ZDHHC14: variants seen among roughly 807,000 people sequenced by gnomAD.
The protein encoded by ZDHHC14 is palmitoyltransferase ZDHHC14.
Under a neutral mutation model 47.7 loss-of-function variants are expected in ZDHHC14, and 16 were observed. The observed-to-expected ratio is 0.34, with a 90% CI of 0.23 to 0.51. The LOEUF (loss-of-function observed/expected upper bound fraction) is 0.51, where lower values mean the gene tolerates loss of function less well. Among genes scored for constraint, ZDHHC14 ranks in the 20% least tolerant of loss-of-function variants. The probability of loss-of-function intolerance (pLI) is 0.97; values close to 1 mark genes in which losing one functional copy is unlikely to be tolerated. For missense variants in ZDHHC14, 515 were observed against 662.5 expected (o/e 0.78, Z 2.44); for synonymous variants, 293 against 278.9 (o/e 1.05, Z -0.50).
At chr6:157,540,247 G>A (rs1191468210) in intron 1 of ZDHHC14, among the ~76,000 whole-genome samples, 1 of 152,192 alleles carries the variant, frequency 6.6e-6, no homozygotes, top group African/African-American at 2.4e-5. Flanking sequence ...GGTGATGAGA[G>A]GCCGCAGAGG....
intron 2 of ZDHHC14, among the ~76,000 whole-genome samples, chr6:157,553,360 G>C (rs376035905): frequency 6.6e-6 from 1 of 152,100 alleles, no homozygotes; most frequent in East Asian, 1.9e-4. Context: ...TCAGGGCCTC[G>C]CTGGGAAGAG....
intron 1 of ZDHHC14, among the ~76,000 whole-genome samples, chr6:157,488,655 G>A (rs1250325431): frequency 6.6e-6 from 1 of 152,120 alleles, no homozygotes; most frequent in Admixed American, 6.5e-5. Flanking sequence ...TTCCCTCAAG[G>A]GTCGCTGGTT....
chr6:157,416,745 C>G (rs771569888), intron 1 of ZDHHC14, among the ~76,000 whole-genome samples: 19 of 146,852 alleles, frequency 1.3e-4, no homozygotes, highest in Non-Finnish European at 2.7e-4. Context: ...GTATAGAGGC[C>G]GTTGAATGAA....
rs112195723 is a variant in ZDHHC14 at position 157,651,921 on chromosome 6, C to T, written c.966-1604C>T. ...CTCTCCCATGAGATCCACACCTGGA[C>T]CTTCATCCAACCCCAGGTCCCAGCC... On this transcript the variant is annotated intron_variant, in intron 7 of 8. Transcript: ENST00000359775. Among the ~76,000 whole-genome samples the T allele has an allele frequency of 1.1e-3, 168 of 152,302 alleles. 1 individual carries two copies. Among genetic ancestry groups the T allele is most frequent in the African/African-American group, 3.9e-3 (160 of 41,558 alleles).
chr6:157,387,939 A>G (rs1777350878), intron 1 of ZDHHC14, among the ~76,000 whole-genome samples: 2 of 152,256 alleles, frequency 1.3e-5, no homozygotes, highest in Non-Finnish European at 2.9e-5. Flanking sequence ...AATGTCTTGT[A>G]GAACACATTT....
chr6:157,571,801 C>T (rs897750885), intron 2 of ZDHHC14, among the ~76,000 whole-genome samples: 12 of 122,010 alleles, frequency 9.8e-5, no homozygotes, highest in Admixed American at 1.7e-4. Flanking sequence ...TTTTTTTGAG[C>T]CTGCTAGGTA....
intron 1 of ZDHHC14, among the ~76,000 whole-genome samples, chr6:157,481,553 C>T (rs1365285248): frequency 6.6e-6 from 1 of 152,178 alleles, no homozygotes; most frequent in East Asian, 1.9e-4. Flanking sequence ...ACCCTTCCCA[C>T]CTTAGTTCAA....
chr6:157,672,098 G>A (rs13213961), intron 8 of ZDHHC14, among the ~76,000 whole-genome samples: 19,903 of 152,132 alleles, frequency 0.13, 1,711 homozygotes, highest in Admixed American at 0.25. Flanking sequence ...ACAGTTATTC[G>A]TCTTTTTGTG....
At chr6:157,548,974 G>A (rs891223430) in intron 2 of ZDHHC14, among the ~76,000 whole-genome samples, 7 of 152,242 alleles carry the variant, frequency 4.6e-5, no homozygotes, top group Non-Finnish European at 7.3e-5. Flanking sequence ...CGCGGCATTT[G>A]CCCACCATCT....
At chr6:157,672,623 CA>C in intron 8 of ZDHHC14, 100 bp from the exon 9 acceptor site, 6 of 312,592 alleles carry the variant, frequency 1.9e-5, no homozygotes, top group African/African-American at 4.6e-5. Context: ...TCTCTTCTCG[CA>C]CCCCACCCTC....
intron 5 of ZDHHC14, among the ~76,000 whole-genome samples, chr6:157,640,108 G>A (rs1298371242): frequency 2.6e-5 from 4 of 152,226 alleles, no homozygotes; most frequent in Admixed American, 6.5e-5. Context: ...CTGCTGGGGA[G>A]CCACAGGGGC....
intron 1 of ZDHHC14, among the ~76,000 whole-genome samples, chr6:157,489,884 A>G (rs1779871656): frequency 6.6e-6 from 1 of 152,152 alleles, no homozygotes; most frequent in African/African-American, 2.4e-5. Context: ...TGGCATTAGA[A>G]GCTCGCTCTG....
chr6:157,574,552 C>T (rs1184015679), intron 2 of ZDHHC14, among the ~76,000 whole-genome samples: 1 of 152,152 alleles, frequency 6.6e-6, no homozygotes, highest in Non-Finnish European at 1.5e-5. Context: ...CACCCATGAC[C>T]TCCTCCCACT....
chr6:157,510,649 C>T (rs770564125), intron 1 of ZDHHC14, among the ~76,000 whole-genome samples: 3 of 152,262 alleles, frequency 2.0e-5, no homozygotes, highest in Non-Finnish European at 4.4e-5. Context: ...CTTTCTCCAC[C>T]TGCCTCCTTA....
rs1452875263 is a variant in ZDHHC14 at position 157,502,341 on chromosome 6, A to G, written c.246-40244A>G. On this transcript the variant is annotated intron_variant, in intron 1 of 8. Transcript: ENST00000359775. This position sits in a 1 kb window ranked among gnomAD's most constrained non-coding sequence, Gnocchi z 4.0. ...ATGTGAGCCAAAAGTGTCCCCATAC[A>G]TGTTGAGAGAGAGTGGATGACAGAG... 1.3e-5 allele frequency among the ~76,000 whole-genome samples: 2 copies of G among 152,240 alleles called. No homozygotes were observed. Among genetic ancestry groups the G allele is most frequent in the Non-Finnish European group, 2.9e-5 (2 of 68,038 alleles).
intron 1 of ZDHHC14, among the ~76,000 whole-genome samples, chr6:157,440,989 GA>G (rs1015677391): frequency 1.3e-5 from 2 of 152,052 alleles, no homozygotes; most frequent in South Asian, 2.1e-4. Context: ...CATAAAAAGG[GA>G]AAAAAACAAA....
rs377246083 is a variant in ZDHHC14, at chr6:157,382,225, C to T, written c.204C>T (p.Leu68=). 6.2e-7 allele frequency: 1 copy of T among 1,612,588 alleles called. No homozygotes were observed. Among genetic ancestry groups the T allele is most frequent in the Non-Finnish European group, 8.5e-7 (1 of 1,179,460 alleles). Residue 68 remains leucine, a synonymous_variant, in exon 1 of 9, where the codon CTC becomes CTT. Transcript: ENST00000359775. The stretch of plus-strand genomic sequence containing the variant: ...AGACGGGCGTCTTCTACCTGACGCT[C>T]GTCCTCATCCTGGTCACTAGCGGAC... The part of the protein sequence containing the change: ...ARQTGVFYLT[L]VLILVTSGLF...
intron 2 of ZDHHC14, among the ~76,000 whole-genome samples, chr6:157,547,818 T>C (rs1188194534): frequency 6.7e-6 from 1 of 150,098 alleles, no homozygotes; most frequent in Non-Finnish European, 1.5e-5. Context: ...GAACTATTAT[T>C]TCTACTAAGA....
intron 1 of ZDHHC14, among the ~76,000 whole-genome samples, chr6:157,492,352 G>C (rs1241918935): frequency 6.6e-6 from 1 of 152,030 alleles, no homozygotes; most frequent in East Asian, 1.9e-4. Flanking sequence ...AAGACCTCAG[G>C]GCATTTCGCT....
Sources: allele counts gnomAD v4.1 joint callset (sites outside exome capture counted in the v4.1 genomes callset), GRCh38; gene constraint gnomAD v4.1.1; non-coding constraint Gnocchi (gnomAD v3.1); transcripts MANE v1.5; gene names NCBI Gene and HGNC (gene_info 2026-07-23, HGNC 2026-07-21).